Variants in TP63 observed in about 807,000 individuals in gnomAD.
TP63 encodes tumor protein p63.
Under a neutral mutation model 82.8 loss-of-function variants are expected in TP63, and 17 were observed. That is an observed-to-expected ratio of 0.21 (90% CI 0.14 to 0.31). TP63 has a LOEUF of 0.31. TP63 is among the 10% of genes least tolerant of loss of function. TP63 has a pLI of 1.00. For missense variants in TP63, 648 were observed against 895.3 expected, an observed-to-expected ratio of 0.72 and a Z score of 3.52; for synonymous variants, 330 against 321.7, an observed-to-expected ratio of 1.03 and a Z score of -0.28.
chr3:189,694,791 T>G (rs1453469189), intron 1 of TP63, among the ~76,000 whole-genome samples: 1 of 17,008 alleles, frequency 5.9e-5, no homozygotes, highest in Non-Finnish European at 1.0e-4. Flanking sequence ...ATTTACAGCC[T>G]TTTTTTTTTT....
At chr3:189,641,632 CTCA>C (rs1711883787) in intron 1 of TP63, among the ~76,000 whole-genome samples, 1 of 152,120 alleles carries the variant, frequency 6.6e-6, no homozygotes, top group Non-Finnish European at 1.5e-5. Context: ...GCATCAGTAT[CTCA>C]TCATATCTAT....
intron 4 of TP63, chr3:189,844,359 CA>C (rs1560248667): frequency 2.5e-6 from 1 of 392,546 alleles, no homozygotes; most frequent in Non-Finnish European, 5.2e-6. Context: ...GACCTCAGCT[CA>C]CTGCAACCTC....
chr3:189,870,987 C>T (rs1718354263), intron 9 of TP63, among the ~76,000 whole-genome samples: 1 of 152,086 alleles, frequency 6.6e-6, no homozygotes, highest in Non-Finnish European at 1.5e-5. Context: ...GCTGAGATTC[C>T]CAGTGTCTTG....
chr3:189,669,704 T>C (rs1714725301), intron 1 of TP63, among the ~76,000 whole-genome samples: 1 of 152,048 alleles, frequency 6.6e-6, no homozygotes, highest in Non-Finnish European at 1.5e-5. Context: ...ATATATGGGC[T>C]CTAGGTAGAC....
chr3:189,808,943 A>C (rs995768726), intron 4 of TP63, among the ~76,000 whole-genome samples: 1 of 152,230 alleles, frequency 6.6e-6, no homozygotes, highest in Non-Finnish European at 1.5e-5. Context: ...TTAAAAACTG[A>C]GTAAAATAAT....
the TP63 span, among the ~76,000 whole-genome samples, chr3:189,612,625 G>A: frequency 2.0e-5 from 3 of 152,336 alleles, no homozygotes; most frequent in East Asian, 5.8e-4. Flanking sequence ...CTTTGGAACT[G>A]GGTAAGAGGC....
Position 189,894,461 on chromosome 3 carries a change from C to A in TP63, c.2002C>A (p.Arg668Ser), listed in dbSNP as rs749906547. ...TGACTTCAACTTTGACATGGATGCT[C>A]GCCGCAATAAGCAACAGCGCATCAA... ...WNDFNFDMDA[R>S]RNKQQRIKEE... Residue 668 changes from arginine to serine, a missense_variant, in exon 14 of 14, where the codon CGC (arginine) becomes AGC (serine). This residue lies in a region of TP63 where 342 missense variants were observed against 425.7 expected (regional missense o/e 0.80). Transcript: ENST00000264731. The A allele has an allele frequency of 6.2e-7, 1 of 1,613,934 alleles. No individual in the cohort carries two copies. Among genetic ancestry groups the A allele is most frequent in the Non-Finnish European group, 8.5e-7 (1 of 1,179,988 alleles).
At chr3:189,855,447 T>C (rs892475507) in intron 4 of TP63, among the ~76,000 whole-genome samples, 2 of 152,184 alleles carry the variant, frequency 1.3e-5, no homozygotes, top group African/African-American at 4.8e-5. Flanking sequence ...AAGAGATCTA[T>C]CTAAAGCCAA....
At chr3:189,763,654 A>G (rs1438798519) in intron 3 of TP63, among the ~76,000 whole-genome samples, 1 of 152,236 alleles carries the variant, frequency 6.6e-6, no homozygotes, top group African/African-American at 2.4e-5. Flanking sequence ...GGGAGAGGTT[A>G]TACTAGGAAG....
At chr3:189,777,428 C>G (rs1367378271) in intron 3 of TP63, among the ~76,000 whole-genome samples, 1 of 152,094 alleles carries the variant, frequency 6.6e-6, no homozygotes, top group Non-Finnish European at 1.5e-5. Context: ...AACTCCTGAC[C>G]TCAGGTGATC....
At chr3:189,815,796 T>C (rs1728119238) in intron 4 of TP63, among the ~76,000 whole-genome samples, 1 of 152,166 alleles carries the variant, frequency 6.6e-6, no homozygotes, top group Admixed American at 6.5e-5. Flanking sequence ...GAAAGGTTAC[T>C]AGTGGGTATA....
chr3:189,854,210 A>T (rs1403559252), intron 4 of TP63, among the ~76,000 whole-genome samples: 1 of 152,126 alleles, frequency 6.6e-6, no homozygotes, highest in Non-Finnish European at 1.5e-5. Flanking sequence ...CTTTTAGTGT[A>T]GTCTCTCCTA....
chr3:189,765,295 C>G (rs1444859888), intron 3 of TP63, among the ~76,000 whole-genome samples: 1 of 151,690 alleles, frequency 6.6e-6, no homozygotes, highest in Non-Finnish European at 1.5e-5. Flanking sequence ...ACAAATGTAT[C>G]CCCGTATATT....
At chr3:189,879,557 G>C (rs1411822051) in intron 10 of TP63, among the ~76,000 whole-genome samples, 1 of 152,106 alleles carries the variant, frequency 6.6e-6, no homozygotes, top group Non-Finnish European at 1.5e-5. Flanking sequence ...CTCACACTTA[G>C]GCTAGACAAG....
At chr3:189,692,316 C>T (rs551975018) in intron 1 of TP63, among the ~76,000 whole-genome samples, 10 of 151,570 alleles carry the variant, frequency 6.6e-5, no homozygotes, top group Non-Finnish European at 1.5e-4. Flanking sequence ...TTATTTTCTC[C>T]TCTTTCCCTC....
chr3:189,826,031 G>T (rs953498521), intron 4 of TP63, among the ~76,000 whole-genome samples: 1 of 151,904 alleles, frequency 6.6e-6, no homozygotes, highest in African/African-American at 2.4e-5. Context: ...GAAAAGGGAA[G>T]AAAAAAATAG....
intron 3 of TP63, among the ~76,000 whole-genome samples, chr3:189,790,032 G>T: frequency 6.6e-6 from 1 of 150,772 alleles, no homozygotes; most frequent in Non-Finnish European, 1.5e-5. Flanking sequence ...TTAAGTAGGA[G>T]ATGAAACAGT....
At chr3:189,871,239 T>C (rs1355460881) in intron 9 of TP63, among the ~76,000 whole-genome samples, 8 of 152,194 alleles carry the variant, frequency 5.3e-5, no homozygotes, top group African/African-American at 1.7e-4. Flanking sequence ...TAATTTAATA[T>C]ATATTTTGTT....
the TP63 span, among the ~76,000 whole-genome samples, chr3:189,625,911 A>G: frequency 6.6e-6 from 1 of 151,928 alleles, no homozygotes; most frequent in Non-Finnish European, 1.5e-5. Flanking sequence ...GAAACTGCCA[A>G]CCTCTTCCTG....
Sources: gnomAD v4.1 joint callset for allele counts (sites outside exome capture counted in the v4.1 genomes callset) on GRCh38, gnomAD v4.1.1 for gene constraint, gnomAD v4.1.1 regional missense constraint, MANE v1.5 for transcripts, NCBI Gene and HGNC (gene_info 2026-07-23, HGNC 2026-07-21) for gene names.